EXOC2: variants seen among roughly 807,000 people sequenced by gnomAD.
The protein encoded by EXOC2 is SEC5-like 1.
A neutral mutation model predicts 131.8 loss-of-function variants in EXOC2; 70 were observed. The ratio of observed to expected loss-of-function variants is 0.53; its 90% CI spans 0.44 to 0.65. The LOEUF is 0.65. EXOC2 is among the 30% of genes least tolerant of loss of function. The pLI is 0.00. For missense variants in EXOC2, 923 were observed against 1,108.6 expected, an observed-to-expected ratio of 0.83 and a Z score of 2.38; for synonymous variants, 411 against 398.4, an observed-to-expected ratio of 1.03 and a Z score of -0.38.
At chr6:565,306 A>G (rs1226319377) in intron 13 of EXOC2, among the ~76,000 whole-genome samples, 2 of 152,250 alleles carry the variant, frequency 1.3e-5, no homozygotes, top group Non-Finnish European at 2.9e-5. Flanking sequence ...TAAAGAAACC[A>G]AAGGAAGCCT....
chr6:681,582 A>C (rs547484950), intron 1 of EXOC2, among the ~76,000 whole-genome samples: 9 of 152,222 alleles, frequency 5.9e-5, no homozygotes, highest in Non-Finnish European at 7.3e-5. Flanking sequence ...TTTTTCAACT[A>C]TCCTTTAGTC....
intron 4 of EXOC2, among the ~76,000 whole-genome samples, chr6:626,598 C>CA (rs1554139934): frequency 6.8e-6 from 1 of 147,104 alleles, no homozygotes; most frequent in Admixed American, 6.8e-5. Flanking sequence ...TTCTTCAAAC[C>CA]TTTTTTTTTT....
Position 532,613 on chromosome 6 carries a change from A to G in EXOC2, c.2239-3T>C, listed in dbSNP as rs1227979028. On this transcript the variant is annotated splice_region_variant and splice_polypyrimidine_tract_variant and intron_variant, in intron 22 of 27. Coordinates refer to ENST00000230449, the MANE Select transcript of EXOC2 (RefSeq NM_018303.6). Reference sequence around the variant, plus strand: ...TCTTTCAATGAGGCCATGCTAACCTATAAACACATAATGAAGAGTATGAGT... The same window carrying G: ...TCTTTCAATGAGGCCATGCTAACCTGTAAACACATAATGAAGAGTATGAGT... 2 of 1,544,500 alleles carry G rather than the reference A, an allele frequency of 1.3e-6. No individual in the cohort carries two copies. The highest frequency in any genetic ancestry group is 1.7e-6 in the Non-Finnish European group (2 of 1,151,174).
At chr6:587,043 C>T (rs1759246999) in intron 11 of EXOC2, among the ~76,000 whole-genome samples, 1 of 152,154 alleles carries the variant, frequency 6.6e-6, no homozygotes, top group African/African-American at 2.4e-5. Flanking sequence ...CCCATATTAC[C>T]TTACATTTAT....
chr6:557,571 T>C (rs1031357715), intron 17 of EXOC2, among the ~76,000 whole-genome samples: 3 of 147,576 alleles, frequency 2.0e-5, no homozygotes, highest in East Asian at 2.0e-4. Flanking sequence ...TGAGCCAAGA[T>C]TGCGCCACTG....
rs1762995330 is a variant in EXOC2, at chr6:485,504, T to C, written c.*1167A>G. The C allele has an allele frequency of 6.6e-6, 1 of 152,116 alleles. No homozygotes were observed. Among genetic ancestry groups the C allele is most frequent in the Admixed American group, 6.5e-5 (1 of 15,272 alleles). The allele number at this position is 152,116 out of a possible 1,614,324, so 9.4% of individuals were successfully genotyped here. On this transcript the variant is annotated 3_prime_UTR_variant, in exon 28 of 28. Transcript: ENST00000230449. ...ATTTAAAAATAACCATAGAAAAACTTGAAAACCCTGACAAGCCGACTACAA... is the reference window on the plus strand; with the variant it reads ...ATTTAAAAATAACCATAGAAAAACTCGAAAACCCTGACAAGCCGACTACAA...
At chr6:627,243 CAAAAAAAAAA>C (rs144043704) in intron 4 of EXOC2, among the ~76,000 whole-genome samples, 14 of 118,932 alleles carry the variant, frequency 1.2e-4, no homozygotes, top group African/African-American at 3.6e-4. Flanking sequence ...TGACAGTATC[CAAAAAAAAAA>C]AAAAAAAAAA....
At chr6:507,294 TACACACACAC>T (rs70982901) in intron 23 of EXOC2, among the ~76,000 whole-genome samples, 3 of 71,624 alleles carry the variant, frequency 4.2e-5, no homozygotes, top group Admixed American at 4.2e-4. Flanking sequence ...CAGCAGTGAC[TACACACACAC>T]ACACACACAC....
intron 23 of EXOC2, among the ~76,000 whole-genome samples, chr6:511,503 G>T (rs761366892): frequency 6.6e-6 from 1 of 152,162 alleles, no homozygotes; most frequent in Non-Finnish European, 1.5e-5. Context: ...ACTAATTTTT[G>T]AATATGCCAC....
intron 10 of EXOC2, among the ~76,000 whole-genome samples, chr6:596,042 C>G (rs1766835): frequency 0.72 from 109,795 of 151,922 alleles, 40,106 homozygotes; most frequent in Middle Eastern, 0.86. Context: ...GGCAAGCTTC[C>G]GTGTTTTCAC....
intron 1 of EXOC2, among the ~76,000 whole-genome samples, chr6:680,432 C>T (rs1248962125): frequency 1.3e-5 from 2 of 152,168 alleles, no homozygotes; most frequent in Non-Finnish European, 2.9e-5. Flanking sequence ...GTCAATTATC[C>T]TGAGAATGAG....
At position 555,228 on chromosome 6, in the gene EXOC2, G is replaced by C. The variant is rs746293627; in HGVS notation, c.2053C>G (p.His685Asp). Reference sequence around the variant, plus strand: ...GAGATTAATTTAATTTTTACTTACTGTGTAGTATCTATATCTGCATCAGGC... The same window carrying C: ...GAGATTAATTTAATTTTTACTTACTCTGTAGTATCTATATCTGCATCAGGC... The part of the protein sequence containing the change: ...TKPDADIDTT[H>D]LSVDVSSPDL... The change falls in exon 20 of 28, where the codon CAT (histidine) becomes GAT (aspartate). Residue 685 changes from histidine to aspartate, a missense_variant and splice_region_variant. Coordinates refer to ENST00000230449, the MANE Select transcript of EXOC2 (RefSeq NM_018303.6). The C allele has an allele frequency of 6.7e-7, 1 of 1,487,786 alleles. No individual in the cohort carries two copies. The allele number at this position is 1,487,786 out of a possible 1,614,324, so 92.2% of individuals were successfully genotyped here. A position where few individuals can be genotyped will look rare whatever the true frequency, so the allele number is the denominator to read the frequency against.
chr6:634,290 G>A (rs1761996228), intron 2 of EXOC2, among the ~76,000 whole-genome samples: 1 of 152,042 alleles, frequency 6.6e-6, no homozygotes, highest in Non-Finnish European at 1.5e-5. Context: ...TCGTCATGCT[G>A]GTCAGGCTGG....
intron 23 of EXOC2, among the ~76,000 whole-genome samples, chr6:502,049 T>C (rs72835911): frequency 6.6e-6 from 1 of 152,034 alleles, no homozygotes; most frequent in African/African-American, 2.4e-5. Flanking sequence ...TCGCCGCTCA[T>C]ACCCTCTGGG....
intron 1 of EXOC2, among the ~76,000 whole-genome samples, chr6:641,200 C>T (rs1026020138): frequency 7.2e-5 from 11 of 151,924 alleles, no homozygotes; most frequent in Admixed American, 4.6e-4. Context: ...ATGTCTAAAA[C>T]GGACCACCAA....
At chr6:593,982 G>A (rs960314777) in intron 10 of EXOC2, among the ~76,000 whole-genome samples, 19 of 152,344 alleles carry the variant, frequency 1.2e-4, no homozygotes, top group Admixed American at 3.9e-4. Context: ...CGGATATCCA[G>A]GCATCTGCAG....
At chr6:514,763 G>A (rs72835917) in intron 23 of EXOC2, among the ~76,000 whole-genome samples, 16,753 of 152,214 alleles carry the variant, frequency 0.11, 1,012 homozygotes, top group East Asian at 0.16. Flanking sequence ...GCAGATGTGT[G>A]GGGGAGGAGC....
chr6:485,191 T>C lies in EXOC2; in HGVS notation c.*1480A>G, dbSNP rs1246743405. On this transcript the variant is annotated 3_prime_UTR_variant, in exon 28 of 28. Transcript: ENST00000230449. ...TCTTTATTGGCTGAATGTGCTGTAGTAGATATTTAAAATATCACAAACATT... is the reference window on the plus strand; with the variant it reads ...TCTTTATTGGCTGAATGTGCTGTAGCAGATATTTAAAATATCACAAACATT... The C allele has an allele frequency of 6.6e-6, 1 of 152,240 alleles. No homozygotes were observed. Among genetic ancestry groups the C allele is most frequent in the Non-Finnish European group, 1.5e-5 (1 of 68,034 alleles). 9.4% of individuals were successfully genotyped at this position (152,240 alleles called of 1,614,324 possible).
At position 576,936 on chromosome 6, in the gene EXOC2, G is replaced by C. The variant is rs1216783751; in HGVS notation, c.1193-54C>G. The C allele has an allele frequency of 2.6e-6, 4 of 1,532,296 alleles. No individual in the cohort carries two copies. The African/African-American group carries it at 5.6e-5, about 21-fold the overall frequency. The allele number at this position is 1,532,296 out of a possible 1,614,324, so 94.9% of individuals were successfully genotyped here. A position where few individuals can be genotyped will look rare whatever the true frequency, so the allele number is the denominator to read the frequency against. ...TATATAGCATGCTCTATATACTCTT[G>C]CTTAGTTGATTTAATGGTCTGCTTC... On this transcript the variant is annotated intron_variant, in intron 11 of 27. Coordinates refer to ENST00000230449, the MANE Select transcript of EXOC2 (RefSeq NM_018303.6).
Sources: gnomAD v4.1 joint callset for allele counts (sites outside exome capture counted in the v4.1 genomes callset) on GRCh38, gnomAD v4.1.1 for gene constraint, MANE v1.5 for transcripts, NCBI Gene and HGNC (gene_info 2026-07-23, HGNC 2026-07-21) for gene names.